Variants in ARMC8 observed in about 807,000 individuals in gnomAD.
ARMC8 encodes the protein armadillo repeat-containing protein 8.
ARMC8 carries 20 observed loss-of-function variants against 99.3 expected under a neutral mutation model. The ratio of observed to expected loss-of-function variants is 0.20; its 90% CI spans 0.14 to 0.29. The LOEUF is 0.29. Ranked by LOEUF, ARMC8 falls within the 10% of genes least tolerant of loss-of-function variation. ARMC8 has a pLI of 1.00. For synonymous variants in ARMC8, 263 were observed against 278.3 expected, an observed-to-expected ratio of 0.95 and a Z score of 0.55; for missense variants, 569 against 809.5, an observed-to-expected ratio of 0.70 and a Z score of 3.60.
intron 6 of ARMC8, among the ~76,000 whole-genome samples, chr3:138,232,424 T>G (rs943236709): frequency 1.3e-5 from 2 of 152,130 alleles, no homozygotes; most frequent in African/African-American, 4.8e-5. Flanking sequence ...CAATTATATA[T>G]AGAGAGAATT....
At chr3:138,219,714 C>G (rs1326340198) in intron 2 of ARMC8, among the ~76,000 whole-genome samples, 2 of 152,182 alleles carry the variant, frequency 1.3e-5, no homozygotes, top group Admixed American at 6.5e-5. Context: ...TATTTACTTA[C>G]TAAAGCCAAA....
intron 18 of ARMC8, among the ~76,000 whole-genome samples, chr3:138,277,572 G>GA (rs2049422170): frequency 6.6e-6 from 1 of 152,030 alleles, no homozygotes; most frequent in Non-Finnish European, 1.5e-5. Context: ...ACATAAAACT[G>GA]AAAAAACAAT....
At chr3:138,295,761 C>CT in intron 21 of ARMC8, 98 bp from the exon 22 acceptor site, 2 of 1,417,848 alleles carry the variant, frequency 1.4e-6, no homozygotes, top group African/African-American at 2.8e-5. Flanking sequence ...TGGAGATTTA[C>CT]TTTTTTAGAC....
At chr3:138,225,230 C>T (rs561896579) in intron 5 of ARMC8, among the ~76,000 whole-genome samples, 271 of 151,936 alleles carry the variant, frequency 1.8e-3, no homozygotes, top group African/African-American at 6.3e-3. Flanking sequence ...CTCAGCCTCC[C>T]GAGCTACTCA....
intron 12 of ARMC8, among the ~76,000 whole-genome samples, chr3:138,254,495 G>T (rs956374734): frequency 3.3e-5 from 5 of 152,186 alleles, no homozygotes; most frequent in African/African-American, 9.7e-5. Context: ...TGCCCAGGAT[G>T]GCAAACAGGA....
intron 11 of ARMC8, among the ~76,000 whole-genome samples, chr3:138,243,870 T>C (rs1156336801): frequency 6.6e-6 from 1 of 152,162 alleles, no homozygotes; most frequent in Non-Finnish European, 1.5e-5. Context: ...ACCTACATCA[T>C]TGGATGAGTG....
intron 14 of ARMC8, among the ~76,000 whole-genome samples, 200 bp downstream of exon 14, chr3:138,264,412 CTTTTTTTTTTTTTTTT>C (rs11298899): frequency 2.1e-5 from 1 of 48,630 alleles, no homozygotes; most frequent in African/African-American, 7.7e-5. Context: ...GATTTTCTTT[CTTTTTTTTTTTTTTTT>C]TTTTTTTTTG....
At chr3:138,286,371 A>G (rs1235033883) in intron 19 of ARMC8, among the ~76,000 whole-genome samples, 2 of 152,162 alleles carry the variant, frequency 1.3e-5, no homozygotes, top group South Asian at 2.1e-4. Context: ...AGGGCCACCA[A>G]TGACTTCCAT....
At chr3:138,189,625 C>G (rs1239138298) in intron 1 of ARMC8, among the ~76,000 whole-genome samples, 1 of 152,180 alleles carries the variant, frequency 6.6e-6, no homozygotes, top group African/African-American at 2.4e-5. Flanking sequence ...AGCTCATAGT[C>G]TGGGTGACGC....
chr3:138,219,083 G>T (rs2045247035), intron 2 of ARMC8, among the ~76,000 whole-genome samples: 1 of 152,044 alleles, frequency 6.6e-6, no homozygotes, highest in Non-Finnish European at 1.5e-5. Context: ...TTAATATTGG[G>T]TTCTGAAAAA....
chr3:138,215,281 G>A (rs2044951209), intron 2 of ARMC8, among the ~76,000 whole-genome samples: 1 of 151,758 alleles, frequency 6.6e-6, no homozygotes, highest in Non-Finnish European at 1.5e-5. Context: ...CAATGGCGTG[G>A]TCTGGGCTCA....
chr3:138,282,285 G>T (rs1024819035), intron 18 of ARMC8, among the ~76,000 whole-genome samples: 5 of 152,150 alleles, frequency 3.3e-5, no homozygotes, highest in Non-Finnish European at 7.3e-5. Context: ...AAGGAATGTG[G>T]TATTGTGAGT....
chr3:138,239,909 A>G (rs544594864), intron 10 of ARMC8, among the ~76,000 whole-genome samples: 8 of 152,338 alleles, frequency 5.3e-5, no homozygotes, highest in Non-Finnish European at 1.2e-4. Flanking sequence ...AAAAGACTTT[A>G]TATCATTCTC....
rs1301128148 is a variant in ARMC8, at chr3:138,284,489, C to A, written c.1784C>A (p.Thr595Asn). 1.2e-6 allele frequency: 2 copies of A among 1,613,514 alleles called. No homozygotes were observed. Among genetic ancestry groups the A allele is most frequent in the African/African-American group, 2.7e-5 (2 of 75,034 alleles). ...ACAACAGCAAAAGATCTTATTATGA[C>A]CAATGATGATATCCTACAGAAAATC... The part of the protein sequence containing the change: ...DGTTAKDLIM[T>N]NDDILQKIKY... Residue 595 changes from threonine (T) to asparagine (N), a missense_variant, in exon 19 of 22, where the codon ACC (threonine) becomes AAC (asparagine). Physicochemically the swap from Thr to Asn is moderately conservative, Grantham distance 65. This residue lies in a region of ARMC8 where 227 missense variants were observed against 417.9 expected (regional missense o/e 0.54). Transcript: ENST00000469044.
rs2046484783 is a variant in ARMC8, at chr3:138,239,254, T to C, written c.777-214T>C. 6.8e-6 allele frequency: 3 copies of C among 439,102 alleles called. No homozygotes were observed. In the South Asian group the frequency reaches 1.0e-4, roughly 15 times the overall value. 27.2% of individuals were successfully genotyped at this position (439,102 alleles called of 1,614,324 possible). A position where few individuals can be genotyped will look rare whatever the true frequency, so the allele number is the denominator to read the frequency against. ...AGGTTTTTGTTTCATTTTGTTTTTT[T>C]AAATATCTGGCTTACCATCTGTATT... On this transcript the variant is annotated intron_variant, in intron 9 of 21. Transcript: ENST00000469044.
intron 10 of ARMC8, 88 bp downstream of exon 10, chr3:138,239,616 T>C (rs2046507673): frequency 2.4e-6 from 2 of 825,822 alleles, no homozygotes; most frequent in East Asian, 5.6e-5. Flanking sequence ...ATTTTACACA[T>C]TTATCATTAT....
chr3:138,224,829 G>A (rs2045597747), intron 5 of ARMC8, among the ~76,000 whole-genome samples: 1 of 152,172 alleles, frequency 6.6e-6, no homozygotes, highest in Non-Finnish European at 1.5e-5. Context: ...AATATCAGAT[G>A]CTCTCAGCTT....
chr3:138,288,960 G>A, intron 19 of ARMC8, 88 bp from the exon 20 acceptor site: 1 of 1,046,770 alleles, frequency 9.6e-7, no homozygotes, highest in Non-Finnish European at 1.4e-6. Context: ...TTAGGTTATA[G>A]GAATTGGCTA....
intron 1 of ARMC8, among the ~76,000 whole-genome samples, chr3:138,207,077 T>G (rs1428547682): frequency 6.6e-6 from 1 of 152,244 alleles, no homozygotes; most frequent in Non-Finnish European, 1.5e-5. Flanking sequence ...TGCCAGCAAC[T>G]AGTATACTTG....
Sources: allele counts gnomAD v4.1 joint callset (sites outside exome capture counted in the v4.1 genomes callset), GRCh38; gene constraint gnomAD v4.1.1; regional missense constraint gnomAD v4.1.1; transcripts MANE v1.5; gene names NCBI Gene and HGNC (gene_info 2026-07-23, HGNC 2026-07-21).